HS3ST2: variants seen among roughly 807,000 people sequenced by gnomAD.
HS3ST2 encodes heparan sulfate glucosamine 3-O-sulfotransferase 2.
In HS3ST2, 17 loss-of-function variants were observed where a neutral mutation model predicts 26.3. The ratio of observed to expected loss-of-function variants is 0.65; its 90% CI spans 0.44 to 0.97. The LOEUF is 0.97. Among genes scored for constraint, HS3ST2 ranks in the 50% least tolerant of loss-of-function variants. HS3ST2 has a pLI of 0.00. For missense variants in HS3ST2, 402 were observed against 501.2 expected, an observed-to-expected ratio of 0.80 and a Z score of 1.89; for synonymous variants, 237 against 219.2, an observed-to-expected ratio of 1.08 and a Z score of -0.72.
intron 1 of HS3ST2, among the ~76,000 whole-genome samples, chr16:22,894,429 AT>A (rs1440492126): frequency 6.6e-6 from 1 of 152,060 alleles, no homozygotes; most frequent in Admixed American, 6.5e-5. Flanking sequence ...TCTAACATTG[AT>A]TGTGCCTTTT....
chr16:22,905,959 C>T (rs1269163874), intron 1 of HS3ST2, among the ~76,000 whole-genome samples: 2 of 152,208 alleles, frequency 1.3e-5, no homozygotes, highest in South Asian at 2.1e-4. Context: ...TTCTCCAAGA[C>T]GCACCCAGTT....
intron 1 of HS3ST2, among the ~76,000 whole-genome samples, chr16:22,856,275 C>T (rs558079829): frequency 4.7e-4 from 72 of 152,186 alleles, no homozygotes; most frequent in African/African-American, 1.5e-3. Context: ...TTCCAGCAGA[C>T]GGAAGAAGGG....
chr16:22,816,658 C>T (rs980220979), intron 1 of HS3ST2, among the ~76,000 whole-genome samples: 2 of 152,210 alleles, frequency 1.3e-5, no homozygotes, highest in Admixed American at 6.5e-5. Context: ...GCCCACTGTG[C>T]TTTCCAAGCT....
intron 1 of HS3ST2, among the ~76,000 whole-genome samples, chr16:22,900,938 G>C (rs1033798769): frequency 3.9e-5 from 6 of 152,206 alleles, no homozygotes; most frequent in African/African-American, 1.4e-4. Context: ...GGAAGAAAAG[G>C]AGATATACAG....
At chr16:22,832,151 C>CTTTTTTTTTTTTTTTTT (rs71151684) in intron 1 of HS3ST2, among the ~76,000 whole-genome samples, 2 of 115,474 alleles carry the variant, frequency 1.7e-5, no homozygotes, top group Admixed American at 8.8e-5. Flanking sequence ...CCCAGCTGAT[C>CTTTTTTTTTTTTTTTTT]TTTTTTTTTT....
intron 1 of HS3ST2, among the ~76,000 whole-genome samples, chr16:22,905,984 A>C (rs1007491230): frequency 1.3e-5 from 2 of 152,124 alleles, no homozygotes; most frequent in African/African-American, 2.4e-5. Flanking sequence ...CTCATGAGCA[A>C]TTGTATTAAA....
chr16:22,889,116 C>G (rs1902100578), intron 1 of HS3ST2, among the ~76,000 whole-genome samples: 1 of 152,150 alleles, frequency 6.6e-6, no homozygotes, highest in African/African-American at 2.4e-5. Context: ...TATGCTTTAG[C>G]CACACACAGA....
intron 1 of HS3ST2, among the ~76,000 whole-genome samples, chr16:22,882,803 C>T (rs552495288): frequency 6.6e-6 from 1 of 152,070 alleles, no homozygotes; most frequent in African/African-American, 2.4e-5. Flanking sequence ...GAAGCTGAGG[C>T]AGGTGGATCA....
At chr16:22,885,977 T>A (rs754593496) in intron 1 of HS3ST2, among the ~76,000 whole-genome samples, 1 of 152,160 alleles carries the variant, frequency 6.6e-6, no homozygotes, top group Non-Finnish European at 1.5e-5. Flanking sequence ...TCCTGGCTCA[T>A]GTGTGGAAGC....
At position 22,814,772 on chromosome 16, in the gene HS3ST2, C is replaced by A; in HGVS notation, c.162C>A (p.Arg54=). The A allele has an allele frequency of 6.2e-7, 1 of 1,603,678 alleles. No homozygotes were observed. Among genetic ancestry groups the A allele is most frequent in the Non-Finnish European group, 8.5e-7 (1 of 1,176,484 alleles). ...LGRSRLLGAP[R]CLRGPSAGGQ... ...GGAGCCGCCTCCTCGGCGCGCCTCG[C>A]TGCCTCCGCGGCCCCAGCGCGGGCG... is the stretch of plus-strand genomic sequence containing the variant. The change falls in exon 1 of 2, where the codon CGC becomes CGA. Residue 54 remains arginine (R), a synonymous_variant. Coordinates refer to ENST00000261374, the MANE Select transcript of HS3ST2 (RefSeq NM_006043.2).
At chr16:22,876,343 GA>G (rs1185482973) in intron 1 of HS3ST2, among the ~76,000 whole-genome samples, 3 of 151,836 alleles carry the variant, frequency 2.0e-5, no homozygotes, top group African/African-American at 4.8e-5. Flanking sequence ...AGAAATATAT[GA>G]AAAAATTCTC....
intron 1 of HS3ST2, among the ~76,000 whole-genome samples, chr16:22,901,105 C>A (rs1054887030): frequency 6.6e-6 from 1 of 152,156 alleles, no homozygotes; most frequent in African/African-American, 2.4e-5. Context: ...GCTTTGACCT[C>A]ACAACAGCCA....
At chr16:22,819,936 G>A (rs371936928) in intron 1 of HS3ST2, among the ~76,000 whole-genome samples, 3 of 152,246 alleles carry the variant, frequency 2.0e-5, no homozygotes, top group East Asian at 1.9e-4. Context: ...CTGCCATGAC[G>A]TAGTTAATGC....
intron 1 of HS3ST2, among the ~76,000 whole-genome samples, chr16:22,869,574 G>A (rs944306679): frequency 2.6e-5 from 4 of 152,162 alleles, no homozygotes; most frequent in Admixed American, 6.5e-5. Flanking sequence ...GGAGAAATTC[G>A]TGTCTTACAT....
chr16:22,886,717 C>T (rs1487047221), intron 1 of HS3ST2, among the ~76,000 whole-genome samples: 2 of 151,968 alleles, frequency 1.3e-5, no homozygotes, highest in African/African-American at 4.8e-5. Context: ...CCTTTGCTGG[C>T]TTATACTTCA....
At chr16:22,815,416 G>A (rs764963928) in intron 1 of HS3ST2, among the ~76,000 whole-genome samples, 8 of 152,194 alleles carry the variant, frequency 5.3e-5, no homozygotes, top group Non-Finnish European at 1.0e-4. Flanking sequence ...GGAAGGGACA[G>A]GCGAGGACCT....
intron 1 of HS3ST2, among the ~76,000 whole-genome samples, chr16:22,894,880 A>G (rs1292202483): frequency 1.3e-5 from 2 of 152,126 alleles, no homozygotes; most frequent in South Asian, 2.1e-4. Flanking sequence ...TTCCAAAAAT[A>G]TGCCTATATT....
At chr16:22,874,783 C>G (rs533071853) in intron 1 of HS3ST2, among the ~76,000 whole-genome samples, 22 of 152,330 alleles carry the variant, frequency 1.4e-4, no homozygotes, top group Admixed American at 2.6e-4. Flanking sequence ...ATTTCTGGAT[C>G]CTACATTCCT....
At chr16:22,861,829 T>G (rs1355614254) in intron 1 of HS3ST2, among the ~76,000 whole-genome samples, 3 of 152,134 alleles carry the variant, frequency 2.0e-5, no homozygotes, top group Non-Finnish European at 2.9e-5. Context: ...CTTTTGAACC[T>G]GCTGAGCCGC....
Sources: gnomAD v4.1 joint callset for allele counts (sites outside exome capture counted in the v4.1 genomes callset) on GRCh38, gnomAD v4.1.1 for gene constraint, MANE v1.5 for transcripts, NCBI Gene and HGNC (gene_info 2026-07-23, HGNC 2026-07-21) for gene names.